NFX1: variants seen among roughly 807,000 people sequenced by gnomAD.
The protein encoded by NFX1 is transcriptional repressor NF-X1.
In NFX1, 69 loss-of-function variants were observed where a neutral mutation model predicts 137.2. That is an observed-to-expected ratio of 0.50 (90% CI 0.41 to 0.61). The LOEUF (loss-of-function observed/expected upper bound fraction) is 0.61, where lower values mean the gene tolerates loss of function less well. Ranked by LOEUF, NFX1 falls within the 20% of genes least tolerant of loss-of-function variation. The pLI is 0.00. For synonymous variants in NFX1, 495 were observed against 474.1 expected, an observed-to-expected ratio of 1.04 and a Z score of -0.57; for missense variants, 1,167 against 1,391.0, an observed-to-expected ratio of 0.84 and a Z score of 2.56.
intron 4 of NFX1, among the ~76,000 whole-genome samples, chr9:33,306,182 G>T (rs915742901): frequency 6.6e-6 from 1 of 152,182 alleles, no homozygotes; most frequent in African/African-American, 2.4e-5. Context: ...GAGCCACTTT[G>T]TAGGAAAAAT....
chr9:33,356,384 A>G (rs1043129102), intron 19 of NFX1, among the ~76,000 whole-genome samples: 6 of 152,120 alleles, frequency 3.9e-5, no homozygotes, highest in Non-Finnish European at 8.8e-5. Context: ...TGTTGGCTCT[A>G]TGTATACATT....
At chr9:33,333,764 T>C (rs1587850969) in intron 11 of NFX1, among the ~76,000 whole-genome samples, 1 of 152,140 alleles carries the variant, frequency 6.6e-6, no homozygotes, top group African/African-American at 2.4e-5. Context: ...GTTTGGGAGG[T>C]ACCCAGCAAT....
chr9:33,309,970 G>A (rs1427683358), intron 5 of NFX1, among the ~76,000 whole-genome samples: 3 of 152,282 alleles, frequency 2.0e-5, no homozygotes, highest in South Asian at 4.1e-4. Flanking sequence ...TGTTTCACCC[G>A]AAAGGATTGA....
At chr9:33,312,222 G>A (rs548616932) in intron 6 of NFX1, among the ~76,000 whole-genome samples, 4 of 152,190 alleles carry the variant, frequency 2.6e-5, no homozygotes, top group Non-Finnish European at 5.9e-5. Context: ...TTACATGTAA[G>A]TGTTTTGACT....
chr9:33,357,271 T>C lies in NFX1; in HGVS notation c.2873+2379T>C, dbSNP rs189057417. Among the ~76,000 whole-genome samples, 37 of 152,118 alleles carry C rather than the reference T, an allele frequency of 2.4e-4. 1 individual carries two copies. In the East Asian group the frequency reaches 6.9e-3, roughly 29 times the overall value. On this transcript the variant is annotated intron_variant, in intron 19 of 23. Transcript: ENST00000379540. ...GAGCCGAGATGGTGCCACTGCACTC[T>C]AGCCTGGGCGACAGTGGGAGACTCC...
rs149336198 is a variant in NFX1, at chr9:33,295,081, T to C, written c.687T>C (p.Asp229=). ...SEASSRKGVL[D]GYGARRNEQR... The stretch of plus-strand genomic sequence containing the variant: ...CATCCTCTAGAAAAGGAGTATTGGA[T>C]GGGTATGGAGCCAGACGAAATGAGC... The change falls in exon 2 of 24, where the codon GAT becomes GAC. Residue 229 remains aspartate, a synonymous_variant. Coordinates refer to ENST00000379540, the MANE Select transcript of NFX1 (RefSeq NM_002504.6). 1.5e-4 allele frequency: 249 copies of C among 1,614,036 alleles called. No homozygotes were observed. The African/African-American group carries it at 3.1e-3, about 20-fold the overall frequency.
chr9:33,294,239 A>G (rs2118158347), intron 1 of NFX1, among the ~76,000 whole-genome samples, 181 bp from the exon 2 acceptor site: 1 of 152,344 alleles, frequency 6.6e-6, no homozygotes, highest in East Asian at 1.9e-4. Context: ...TGGAATAATG[A>G]TTGATTAGTC....
intron 14 of NFX1, among the ~76,000 whole-genome samples, chr9:33,346,266 A>G (rs1364766244): frequency 1.3e-5 from 2 of 152,230 alleles, no homozygotes; most frequent in Admixed American, 6.5e-5. Flanking sequence ...CAAGGTCCAT[A>G]GTAAGAACTT....
chr9:33,367,424 G>C (rs1824199710), intron 22 of NFX1, 91 bp from the exon 23 acceptor site: 1 of 1,322,384 alleles, frequency 7.6e-7, no homozygotes, highest in Admixed American at 1.7e-5. Flanking sequence ...TAGTGTCATA[G>C]TGCCAAAATC....
chr9:33,359,338 C>G (rs996854643), intron 19 of NFX1, among the ~76,000 whole-genome samples: 3 of 152,136 alleles, frequency 2.0e-5, no homozygotes, highest in African/African-American at 7.2e-5. Context: ...GTGGCTCACG[C>G]CTGTAATCCC....
chr9:33,327,028 T>C (rs906257353), intron 9 of NFX1, among the ~76,000 whole-genome samples: 1 of 151,968 alleles, frequency 6.6e-6, no homozygotes, highest in Non-Finnish European at 1.5e-5. Flanking sequence ...AATTACACTA[T>C]AAAAAATATT....
chr9:33,318,851 C>T, intron 8 of NFX1, 21 bp downstream of exon 8: 1 of 1,614,044 alleles, frequency 6.2e-7, no homozygotes, highest in Non-Finnish European at 8.5e-7. Context: ...ACGTTTTCTT[C>T]AGTTGAACTA....
intron 1 of NFX1, among the ~76,000 whole-genome samples, chr9:33,292,870 A>G (rs768912754): frequency 2.6e-5 from 4 of 152,190 alleles, no homozygotes; most frequent in Non-Finnish European, 4.4e-5. Context: ...GAACTACACA[A>G]TACCCACTGG....
intron 5 of NFX1, among the ~76,000 whole-genome samples, chr9:33,308,381 G>C (rs920775110): frequency 3.3e-5 from 5 of 152,272 alleles, no homozygotes; most frequent in African/African-American, 1.2e-4. Context: ...GTTCACGGCT[G>C]CAGTGAGCTG....
At chr9:33,297,616 C>T (rs1821403759) in intron 2 of NFX1, among the ~76,000 whole-genome samples, 1 of 152,180 alleles carries the variant, frequency 6.6e-6, no homozygotes, top group Non-Finnish European at 1.5e-5. Flanking sequence ...CTCTTTCAGT[C>T]ACTGGTTGTT....
Position 33,292,083 on chromosome 9 carries a change from C to T in NFX1, c.25+1486C>T, listed in dbSNP as rs566114246. ...GTCTCATCCACAGGCTCGTTTCTGA[C>T]TCATTTCTGTACCCTTCAGTGTTTG... On this transcript the variant is annotated intron_variant, in intron 1 of 23. Coordinates refer to ENST00000379540, the MANE Select transcript of NFX1 (RefSeq NM_002504.6). 3.5e-4 allele frequency among the ~76,000 whole-genome samples: 53 copies of T among 152,312 alleles called. 1 individual carries two copies. The highest frequency in any genetic ancestry group is 1.3e-3 in the African/African-American group (52 of 41,556).
At chr9:33,295,702 A>G (rs1281791127) in intron 2 of NFX1, among the ~76,000 whole-genome samples, 1 of 152,200 alleles carries the variant, frequency 6.6e-6, no homozygotes, top group African/African-American at 2.4e-5. Flanking sequence ...CAAAAATGCA[A>G]ATACGGGTGG....
At chr9:33,334,901 C>T (rs893801880) in intron 11 of NFX1, among the ~76,000 whole-genome samples, 7 of 152,112 alleles carry the variant, frequency 4.6e-5, no homozygotes, top group East Asian at 1.9e-4. Flanking sequence ...TTCAACCATA[C>T]GTGAAAGTGG....
At chr9:33,330,942 G>C (rs1411015901) in intron 10 of NFX1, among the ~76,000 whole-genome samples, 1 of 152,142 alleles carries the variant, frequency 6.6e-6, no homozygotes, top group African/African-American at 2.4e-5. Flanking sequence ...ACTTTGGGAG[G>C]CTGAGGTGGG....
Sources: gnomAD v4.1 joint callset for allele counts (sites outside exome capture counted in the v4.1 genomes callset) on GRCh38, gnomAD v4.1.1 for gene constraint, MANE v1.5 for transcripts, NCBI Gene and HGNC (gene_info 2026-07-23, HGNC 2026-07-21) for gene names.